The following RBM17 variants were observed in gnomAD, a reference collection of about 807,000 sequenced individuals.
The protein encoded by RBM17 is RNA binding motif protein 17, also known as splicing factor 45.
A neutral mutation model predicts 53.2 loss-of-function variants in RBM17; 7 were observed. The observed-to-expected ratio is 0.13, with a 90% CI of 0.07 to 0.25. RBM17 has a LOEUF of 0.25. Among genes scored for constraint, RBM17 ranks in the 10% least tolerant of loss-of-function variants. The pLI, the probability that RBM17 is intolerant of heterozygous loss-of-function variation, is 1.00. For missense variants in RBM17, 257 were observed against 496.7 expected (o/e 0.52, Z 4.59); for synonymous variants, 167 against 178.1 (o/e 0.94, Z 0.50).
chr10:6,107,155 T>C (rs569877278), intron 5 of RBM17, among the ~76,000 whole-genome samples: 21 of 152,364 alleles, frequency 1.4e-4, no homozygotes, highest in African/African-American at 4.6e-4. Flanking sequence ...TTTAGAATAA[T>C]TTCTAGAATA....
Position 6,093,564 on chromosome 10 carries a change from C to T in RBM17, c.-18-3484C>T, listed in dbSNP as rs757899619. Among the ~76,000 whole-genome samples the T allele has an allele frequency of 1.8e-4, 28 of 152,144 alleles. 1 individual carries two copies. The highest frequency in any genetic ancestry group is 3.7e-4 in the Non-Finnish European group (25 of 68,032). On this transcript the variant is annotated intron_variant, in intron 1 of 11. Transcript: ENST00000379888. ...AGCTTATTAAATGCTTGCTATATGA[C>T]AGAAATTGTAGATGCAAAAATAAAT...
intron 8 of RBM17, 43 bp from the exon 9 acceptor site, chr10:6,113,465 C>T: frequency 1.5e-6 from 2 of 1,305,274 alleles, no homozygotes; most frequent in Non-Finnish European, 1.1e-6. Context: ...TAATGATATG[C>T]TGCTCAGTTC....
chr10:6,104,755 A>G (rs1401750662), intron 3 of RBM17, among the ~76,000 whole-genome samples, 176 bp from the exon 4 acceptor site: 4 of 152,240 alleles, frequency 2.6e-5, no homozygotes, highest in African/African-American at 7.2e-5. Context: ...TGTTTCTGCT[A>G]CCACCTGACT....
chr10:6,095,336 C>T lies in RBM17; in HGVS notation c.-18-1712C>T, dbSNP rs148101840. Among the ~76,000 whole-genome samples, 827 of 152,194 alleles carry T rather than the reference C, an allele frequency of 5.4e-3. 8 individuals are homozygous for T. Among genetic ancestry groups the T allele is most frequent in the African/African-American group, 0.018 (760 of 41,492 alleles). On this transcript the variant is annotated intron_variant, in intron 1 of 11. Coordinates refer to ENST00000379888, the MANE Select transcript of RBM17 (RefSeq NM_032905.5). ...CAGGCGATTATCATGCCTCACCCTC[C>T]GGAGTAGCTGGGATTACAGGCACCC... is the stretch of plus-strand genomic sequence containing the variant.
Position 6,110,097 on chromosome 10 carries a change from G to A in RBM17, c.674G>A (p.Gly225Glu). The A allele has an allele frequency of 6.2e-7, 1 of 1,610,864 alleles. No individual in the cohort carries two copies. The highest frequency in any genetic ancestry group is 8.5e-7 in the Non-Finnish European group (1 of 1,178,448). ...EEQDRPRSPTGPSNSFLANMG... is the reference protein window; with the variant it reads ...EEQDRPRSPTEPSNSFLANMG... ...CAAGACAGACCGAGATCTCCAACCG[G>A]ACCTAGCAACTCCTTCCTCGCTAAC... is the stretch of plus-strand genomic sequence containing the variant. Residue 225 changes from glycine to glutamate, a missense_variant, in exon 7 of 12, where the codon GGA becomes GAA. By Grantham distance (98) the Gly-to-Glu change is moderately conservative (BLOSUM62 -2). Coordinates refer to ENST00000379888, the MANE Select transcript of RBM17 (RefSeq NM_032905.5).
intron 7 of RBM17, 51 bp downstream of exon 7, chr10:6,110,178 T>C (rs750189337): frequency 6.6e-7 from 1 of 1,509,724 alleles, no homozygotes; most frequent in Non-Finnish European, 9.0e-7. Flanking sequence ...TGTGAAGCGT[T>C]GATAGCCCTT....
intron 1 of RBM17, among the ~76,000 whole-genome samples, chr10:6,092,359 G>A (rs1411389307): frequency 6.6e-6 from 1 of 152,084 alleles, no homozygotes; most frequent in Non-Finnish European, 1.5e-5. Flanking sequence ...AGTTGCGGTG[G>A]GGAGAATTAA....
At chr10:6,099,505 G>C (rs1311965552) in intron 2 of RBM17, among the ~76,000 whole-genome samples, 3 of 152,074 alleles carry the variant, frequency 2.0e-5, no homozygotes, top group Non-Finnish European at 4.4e-5. Context: ...GCGTGCCCAA[G>C]TCCCTTATAT....
At position 6,116,911 on chromosome 10, in the gene RBM17, T is replaced by TAA. The variant is rs1214853571; in HGVS notation, c.*1356_*1357dup. 6.6e-6 allele frequency: 1 copy of TAA among 152,354 alleles called. No individual in the cohort carries two copies. The highest frequency in any genetic ancestry group is 1.5e-5 in the Non-Finnish European group (1 of 68,042). 9.4% of individuals were successfully genotyped at this position (152,354 alleles called of 1,614,324 possible). A position where few individuals can be genotyped will look rare whatever the true frequency, so the allele number is the denominator to read the frequency against. ...CCTGTTCTGTAAAGTAAGTTGGGGT[T>TAA]AAGGAATGTGAGGTAAATTACATAA... On this transcript the variant is annotated 3_prime_UTR_variant, in exon 12 of 12. Coordinates refer to ENST00000379888, the MANE Select transcript of RBM17 (RefSeq NM_032905.5).
At chr10:6,096,312 A>G in intron 1 of RBM17, among the ~76,000 whole-genome samples, 1 of 152,254 alleles carries the variant, frequency 6.6e-6, no homozygotes. Context: ...ATGTCTGTGC[A>G]GTGCTGGGCT....
rs1183599886 is a variant in RBM17, at chr10:6,115,913, T to C, written c.*357T>C. ...AAAAAAACTAGAAAGTTTTGGGACA[T>C]GGGGTTATATTAAATTATTCTTTGT... On this transcript the variant is annotated 3_prime_UTR_variant, in exon 12 of 12. Coordinates refer to ENST00000379888, the MANE Select transcript of RBM17 (RefSeq NM_032905.5). 6.1e-6 allele frequency: 1 copy of C among 164,374 alleles called. No individual in the cohort carries two copies. The highest frequency in any genetic ancestry group is 1.3e-5 in the Non-Finnish European group (1 of 77,758). The allele number at this position is 164,374 out of a possible 1,614,324, so 10.2% of individuals were successfully genotyped here. A position where few individuals can be genotyped will look rare whatever the true frequency, so the allele number is the denominator to read the frequency against.
At chr10:6,094,549 C>T (rs150948406) in intron 1 of RBM17, among the ~76,000 whole-genome samples, 1 of 152,044 alleles carries the variant, frequency 6.6e-6, no homozygotes, top group Non-Finnish European at 1.5e-5. Context: ...GTTTGCTGAC[C>T]AGTTGGATGA....
chr10:6,112,424 G>A lies in RBM17; in HGVS notation c.856+63G>A, dbSNP rs774541926. The A allele has an allele frequency of 3.8e-6, 6 of 1,587,260 alleles. No homozygotes were observed. Among genetic ancestry groups the A allele is most frequent in the Non-Finnish European group, 5.2e-6 (6 of 1,160,450 alleles). On this transcript the variant is annotated intron_variant, in intron 8 of 11. Transcript: ENST00000379888. This position sits in a 1 kb window ranked among gnomAD's most constrained non-coding sequence, Gnocchi z 4.4. ...ACTGGCCCCATCCATATCAGACATG[G>A]CCAGTCTTGATCCTCATGTGTCAGC...
At chr10:6,091,029 A>ATTTATATT (rs1840475949) in intron 1 of RBM17, among the ~76,000 whole-genome samples, 2 of 141,726 alleles carry the variant, frequency 1.4e-5, no homozygotes, top group Admixed American at 1.4e-4. Flanking sequence ...ATTTATATAT[A>ATTTATATT]TTTATATATT....
intron 7 of RBM17, 129 bp downstream of exon 7, chr10:6,110,256 C>T (rs1840817282): frequency 2.9e-6 from 2 of 687,526 alleles, no homozygotes; most frequent in Non-Finnish European, 2.2e-6. Flanking sequence ...TCACACGGTA[C>T]CTGCCTCAAT....
At chr10:6,101,121 G>T in intron 2 of RBM17, 150 bp from the exon 3 acceptor site, 1 of 472,560 alleles carries the variant, frequency 2.1e-6, no homozygotes, top group Non-Finnish European at 3.8e-6. Context: ...TATGATTATA[G>T]TAATAAATTA....
rs1033378978 is a variant in RBM17, at chr10:6,117,207, C to A, written c.*1651C>A. 3.3e-5 allele frequency: 5 copies of A among 152,140 alleles called. No homozygotes were observed. The highest frequency in any genetic ancestry group is 4.8e-5 in the African/African-American group (2 of 41,256). The allele number at this position is 152,140 out of a possible 1,614,324, so 9.4% of individuals were successfully genotyped here. ...AGAGAGTTGCAACCAACTCATACTACTTGATTTCCGTTCGCATGAGGACAG... is the reference window on the plus strand; with the variant it reads ...AGAGAGTTGCAACCAACTCATACTAATTGATTTCCGTTCGCATGAGGACAG... On this transcript the variant is annotated 3_prime_UTR_variant, in exon 12 of 12. Transcript: ENST00000379888.
At chr10:6,103,843 C>G (rs574018784) in intron 3 of RBM17, among the ~76,000 whole-genome samples, 1 of 152,072 alleles carries the variant, frequency 6.6e-6, no homozygotes, top group Non-Finnish European at 1.5e-5. Flanking sequence ...GTTCTGTGTT[C>G]AAGCAGGAAA....
chr10:6,096,678 GT>G (rs1343737812), intron 1 of RBM17, among the ~76,000 whole-genome samples: 2 of 152,062 alleles, frequency 1.3e-5, no homozygotes, highest in Non-Finnish European at 2.9e-5. Context: ...GCTAATTGGT[GT>G]TTTTGTAAAG....
Sources: allele counts gnomAD v4.1 joint callset (sites outside exome capture counted in the v4.1 genomes callset), GRCh38; gene constraint gnomAD v4.1.1; non-coding constraint Gnocchi (gnomAD v3.1); transcripts MANE v1.5; gene names NCBI Gene and HGNC (gene_info 2026-07-23, HGNC 2026-07-21).